The following RAP1GDS1 variants were observed in gnomAD, a reference collection of about 807,000 sequenced individuals.
RAP1GDS1 encodes the protein RAP1, GTP-GDP dissociation stimulator 1.
A neutral mutation model predicts 71.1 loss-of-function variants in RAP1GDS1; 35 were observed. That is an observed-to-expected ratio of 0.49 (90% CI 0.38 to 0.65). The LOEUF (loss-of-function observed/expected upper bound fraction) is 0.65, where lower values mean the gene tolerates loss of function less well. RAP1GDS1 is among the 30% of genes least tolerant of loss of function. The pLI, the probability that RAP1GDS1 is intolerant of heterozygous loss-of-function variation, is 0.00. For missense variants in RAP1GDS1, 663 were observed against 706.1 expected, an observed-to-expected ratio of 0.94 and a Z score of 0.69; for synonymous variants, 229 against 243.1, an observed-to-expected ratio of 0.94 and a Z score of 0.54.
At chr4:98,409,013 A>G (rs1460780247) in intron 7 of RAP1GDS1, among the ~76,000 whole-genome samples, 3 of 152,186 alleles carry the variant, frequency 2.0e-5, no homozygotes, top group Non-Finnish European at 4.4e-5. Flanking sequence ...TTGTATTGTA[A>G]GAAGTATCCA....
chr4:98,304,377 G>A (rs1210354935), intron 2 of RAP1GDS1, among the ~76,000 whole-genome samples: 5 of 152,008 alleles, frequency 3.3e-5, no homozygotes, highest in Admixed American at 2.6e-4. Context: ...TGACTTTTTA[G>A]TAATCACCAT....
At chr4:98,316,328 AC>A (rs1327749109) in intron 2 of RAP1GDS1, among the ~76,000 whole-genome samples, 2 of 152,176 alleles carry the variant, frequency 1.3e-5, no homozygotes, top group African/African-American at 4.8e-5. Context: ...AGTATAAAAG[AC>A]ATGGTAGAAG....
Position 98,301,661 on chromosome 4 carries a change from A to G in RAP1GDS1, c.112+8146A>G, listed in dbSNP as rs139751539. 3.3e-5 allele frequency among the ~76,000 whole-genome samples: 5 copies of G among 152,276 alleles called. No individual in the cohort carries two copies. In the East Asian group the frequency reaches 9.7e-4, roughly 29 times the overall value. On this transcript the variant is annotated intron_variant, in intron 2 of 14. Coordinates refer to ENST00000408927, the MANE Select transcript of RAP1GDS1 (RefSeq NM_001100427.2). ...AGGGAAATGGGGAACCAGGAGCCCA[A>G]GGGTAATAGCACACAATGAAAATTA... is the stretch of plus-strand genomic sequence containing the variant.
chr4:98,326,593 T>C (rs1439120513), intron 2 of RAP1GDS1, among the ~76,000 whole-genome samples: 7 of 152,232 alleles, frequency 4.6e-5, no homozygotes, highest in Admixed American at 1.3e-4. Context: ...TTTTATGCCC[T>C]GTGTTTCTAC....
At chr4:98,308,192 G>A (rs1729624814) in intron 2 of RAP1GDS1, among the ~76,000 whole-genome samples, 1 of 149,896 alleles carries the variant, frequency 6.7e-6, no homozygotes. Flanking sequence ...GTATGGGTGT[G>A]TGTATATGTG....
At chr4:98,394,899 A>G (rs990614946) in intron 6 of RAP1GDS1, among the ~76,000 whole-genome samples, 2 of 152,120 alleles carry the variant, frequency 1.3e-5, no homozygotes, top group African/African-American at 2.4e-5. Context: ...CTTTTTGACT[A>G]TGGCCCATAA....
intron 3 of RAP1GDS1, among the ~76,000 whole-genome samples, 193 bp from the exon 4 acceptor site, chr4:98,352,283 T>G (rs1737322392): frequency 6.6e-6 from 1 of 152,170 alleles, no homozygotes; most frequent in Non-Finnish European, 1.5e-5. Context: ...GTTTTGTGTA[T>G]TTTATGAAGC....
At chr4:98,416,955 C>T in intron 8 of RAP1GDS1, 67 bp downstream of exon 8, 6 of 1,510,490 alleles carry the variant, frequency 4.0e-6, no homozygotes, top group Non-Finnish European at 5.4e-6. Context: ...ATTGTCTCTT[C>T]TGTAAATACT....
At chr4:98,263,267 A>G (rs1438812975) in intron 1 of RAP1GDS1, among the ~76,000 whole-genome samples, 2 of 152,330 alleles carry the variant, frequency 1.3e-5, no homozygotes, top group South Asian at 2.1e-4. Flanking sequence ...TTGGCTTGCA[A>G]AATATATTTT....
At chr4:98,390,479 C>CTTAT (rs1008689107) in intron 5 of RAP1GDS1, among the ~76,000 whole-genome samples, 3 of 151,728 alleles carry the variant, frequency 2.0e-5, no homozygotes, top group African/African-American at 7.3e-5. Flanking sequence ...ATTTTTTATT[C>CTTAT]TTATTTTGGT....
At chr4:98,343,433 C>T in intron 3 of RAP1GDS1, 172 bp downstream of exon 3, 2 of 760,422 alleles carry the variant, frequency 2.6e-6, no homozygotes, top group Non-Finnish European at 4.1e-6. Flanking sequence ...TAGTTACAGT[C>T]ATTCATACCT....
chr4:98,362,026 A>G (rs1212292280), intron 4 of RAP1GDS1, among the ~76,000 whole-genome samples: 2 of 152,128 alleles, frequency 1.3e-5, no homozygotes, highest in Non-Finnish European at 2.9e-5. Flanking sequence ...TAGAAACGAT[A>G]TTCATGAGCT....
At chr4:98,390,799 C>T (rs1468077586) in intron 5 of RAP1GDS1, among the ~76,000 whole-genome samples, 3 of 152,012 alleles carry the variant, frequency 2.0e-5, no homozygotes, top group African/African-American at 4.8e-5. Flanking sequence ...CTATGAGGAA[C>T]GTGTTTTTGT....
chr4:98,292,701 T>C (rs1727149699), intron 1 of RAP1GDS1, among the ~76,000 whole-genome samples: 1 of 152,204 alleles, frequency 6.6e-6, no homozygotes, highest in Admixed American at 6.6e-5. Flanking sequence ...ACTAAATAAT[T>C]TTAAAAAGTC....
intron 5 of RAP1GDS1, among the ~76,000 whole-genome samples, chr4:98,382,809 A>G (rs1376678760): frequency 6.6e-6 from 1 of 151,626 alleles, no homozygotes; most frequent in Admixed American, 6.6e-5. Flanking sequence ...ATTGGAATGC[A>G]TTTGCTTCAT....
At chr4:98,381,043 TATA>T (rs138203085) in intron 5 of RAP1GDS1, among the ~76,000 whole-genome samples, 2 of 151,756 alleles carry the variant, frequency 1.3e-5, no homozygotes, top group African/African-American at 4.8e-5. Flanking sequence ...GAAAGAAGAT[TATA>T]ATTAACAGCA....
chr4:98,391,409 C>T (rs1743641586), intron 5 of RAP1GDS1, among the ~76,000 whole-genome samples: 1 of 152,036 alleles, frequency 6.6e-6, no homozygotes, highest in Admixed American at 6.6e-5. Context: ...CTCTTCCTAG[C>T]AGTCATCAAG....
intron 3 of RAP1GDS1, among the ~76,000 whole-genome samples, chr4:98,349,747 C>G (rs1165456215): frequency 2.6e-5 from 4 of 151,956 alleles, no homozygotes; most frequent in Non-Finnish European, 4.4e-5. Context: ...TGGGAGTTCA[C>G]TCATGATTTG....
chr4:98,379,320 A>G, intron 5 of RAP1GDS1, 157 bp downstream of exon 5: 2 of 822,936 alleles, frequency 2.4e-6, no homozygotes, highest in Non-Finnish European at 3.4e-6. Flanking sequence ...CAATGTTTCA[A>G]AAATGTAAAA....
Sources: gnomAD v4.1 joint callset for allele counts (sites outside exome capture counted in the v4.1 genomes callset) on GRCh38, gnomAD v4.1.1 for gene constraint, MANE v1.5 for transcripts, NCBI Gene and HGNC (gene_info 2026-07-23, HGNC 2026-07-21) for gene names.